ZAP70: variants seen among roughly 807,000 people sequenced by gnomAD.
ZAP70 encodes the protein tyrosine-protein kinase ZAP-70.
In ZAP70, 27 loss-of-function variants were observed where a neutral mutation model predicts 65.8. That is an observed-to-expected ratio of 0.41 (90% CI 0.30 to 0.57). ZAP70 has a LOEUF of 0.57. ZAP70 is among the 20% of genes least tolerant of loss of function. The pLI is 0.28. For missense variants in ZAP70, 696 were observed against 870.5 expected (o/e 0.80, Z 2.52); for synonymous variants, 363 against 360.8 (o/e 1.01, Z -0.07).
chr2:97,717,324 A>G (rs1676965602), intron 2 of ZAP70, among the ~76,000 whole-genome samples: 1 of 149,684 alleles, frequency 6.7e-6, no homozygotes, highest in Admixed American at 6.7e-5. Context: ...GGATGGGGAC[A>G]TGTCAAGCCT....
rs1676855055 is a variant in ZAP70, at chr2:97,715,105, G to T, written c.-22+1111G>T. ...TCCTCACTAGCTCTGGGTGGCCTCGGGCTCTGGACTCCACAGTTCCTGTAT... is the reference window on the plus strand; with the variant it reads ...TCCTCACTAGCTCTGGGTGGCCTCGTGCTCTGGACTCCACAGTTCCTGTAT... On this transcript the variant is annotated intron_variant, in intron 2 of 13. Coordinates refer to ENST00000264972, the MANE Select transcript of ZAP70 (RefSeq NM_001079.4). This position sits in a 1 kb window ranked among gnomAD's most constrained non-coding sequence, Gnocchi z 4.1. Among the ~76,000 whole-genome samples, 1 of 151,962 alleles carries T rather than the reference G, an allele frequency of 6.6e-6. No individual in the cohort carries two copies. The highest frequency in any genetic ancestry group is 2.1e-4 in the South Asian group (1 of 4,814).
At chr2:97,755,924 G>A in the ZAP70 span, among the ~76,000 whole-genome samples, 3 of 152,192 alleles carry the variant, frequency 2.0e-5, no homozygotes, top group Admixed American at 1.3e-4. Context: ...GTGAATCTGC[G>A]GTCAGCCTGA....
intron 2 of ZAP70, among the ~76,000 whole-genome samples, chr2:97,718,709 G>A (rs1677046650): frequency 6.6e-6 from 1 of 152,136 alleles, no homozygotes; most frequent in African/African-American, 2.4e-5. Context: ...CCCACTTCTA[G>A]CTACCCAGGC....
Position 97,735,311 on chromosome 2 carries a change from G to C in ZAP70, c.1144G>C (p.Glu382Gln). 2 of 1,614,156 alleles carry C rather than the reference G, an allele frequency of 1.2e-6. No homozygotes were observed. The highest frequency in any genetic ancestry group is 1.7e-6 in the Non-Finnish European group (2 of 1,179,984). ...GGGCACGGAGAAGGCAGACACGGAAGAGATGATGCGCGAGGCGCAGATCAT... is the reference window on the plus strand; with the variant it reads ...GGGCACGGAGAAGGCAGACACGGAACAGATGATGCGCGAGGCGCAGATCAT... ...KQGTEKADTE[E>Q]MMREAQIMHQ... The change falls in exon 10 of 14, where the codon GAG becomes CAG. Residue 382 changes from glutamate to glutamine, a missense_variant. Physicochemically the swap from Glu to Gln is conservative, Grantham distance 29. This residue lies in a region of ZAP70 where 551 missense variants were observed against 630.0 expected (regional missense o/e 0.87). Transcript: ENST00000264972.
intron 2 of ZAP70, among the ~76,000 whole-genome samples, chr2:97,716,226 A>T (rs1676908480): frequency 6.6e-6 from 1 of 152,098 alleles, no homozygotes; most frequent in Non-Finnish European, 1.5e-5. Context: ...CCACCCAAGG[A>T]AGCCCCTGTG....
chr2:97,724,372 G>T lies in ZAP70; in HGVS notation c.336G>T (p.Pro112=). 6.5e-7 allele frequency: 1 copy of T among 1,544,068 alleles called. No individual in the cohort carries two copies. The highest frequency in any genetic ancestry group is 8.7e-7 in the Non-Finnish European group (1 of 1,145,004). Reference sequence around the variant, plus strand: ...GGCCGTCGGGCCTCGAGCCGCAGCCGGGGGTCTTCGACTGCCTGCGAGACG... The same window carrying T: ...GGCCGTCGGGCCTCGAGCCGCAGCCTGGGGTCTTCGACTGCCTGCGAGACG... ...CNRPSGLEPQ[P]GVFDCLRDAM... is the part of the protein sequence containing the mutation. Residue 112 remains proline (P), a synonymous_variant, in exon 3 of 14, where the codon CCG becomes CCT. Coordinates refer to ENST00000264972, the MANE Select transcript of ZAP70 (RefSeq NM_001079.4).
downstream of ZAP70, among the ~76,000 whole-genome samples, chr2:97,740,758 A>G (rs1431071635): frequency 6.6e-6 from 1 of 152,166 alleles, no homozygotes; most frequent in Non-Finnish European, 1.5e-5. Context: ...TCACCTCTGC[A>G]CGTCTCCTTT....
intron 4 of ZAP70, among the ~76,000 whole-genome samples, chr2:97,728,277 G>T (rs779987725): frequency 2.6e-5 from 4 of 152,218 alleles, no homozygotes; most frequent in Admixed American, 2.0e-4. Flanking sequence ...AAGCGTTGGC[G>T]GTGGGAGGGT....
chr2:97,750,941 CG>C, the ZAP70 span, among the ~76,000 whole-genome samples: 3 of 152,188 alleles, frequency 2.0e-5, no homozygotes, highest in Admixed American at 6.5e-5. Context: ...TCTCTCTAGT[CG>C]TTTTATTCCT....
the ZAP70 span, among the ~76,000 whole-genome samples, chr2:97,747,817 T>G: frequency 1.6e-4 from 13 of 82,924 alleles, no homozygotes; most frequent in African/African-American, 7.0e-4. Flanking sequence ...GGCACGAGGT[T>G]TTTTTTTTTT....
At chr2:97,748,701 G>A in the ZAP70 span, among the ~76,000 whole-genome samples, 1 of 152,046 alleles carries the variant, frequency 6.6e-6, no homozygotes, top group Non-Finnish European at 1.5e-5. Flanking sequence ...CCCACTCAGG[G>A]TGTTCTCAAT....
At chr2:97,726,629 T>C (rs1316145696) in intron 4 of ZAP70, among the ~76,000 whole-genome samples, 1 of 152,258 alleles carries the variant, frequency 6.6e-6, no homozygotes, top group Non-Finnish European at 1.5e-5. Flanking sequence ...CCTGCAGGCC[T>C]CTTGCAAGAT....
At chr2:97,719,939 G>A (rs535978038) in intron 2 of ZAP70, among the ~76,000 whole-genome samples, 5 of 152,212 alleles carry the variant, frequency 3.3e-5, no homozygotes, top group South Asian at 2.1e-4. Context: ...CACACAATTC[G>A]TAGCCCTTGG....
intron 2 of ZAP70, among the ~76,000 whole-genome samples, chr2:97,721,027 T>A (rs1334328916): frequency 1.3e-5 from 2 of 152,366 alleles, no homozygotes; most frequent in East Asian, 3.9e-4. Flanking sequence ...CAATGCAAAC[T>A]TATGCCTGAG....
intron 2 of ZAP70, among the ~76,000 whole-genome samples, chr2:97,723,319 C>A (rs1367970685): frequency 6.6e-6 from 1 of 152,228 alleles, no homozygotes; most frequent in Admixed American, 6.5e-5. Context: ...AAAGGGTCAG[C>A]GGAAGGGACA....
At position 97,736,973 on chromosome 2, in the gene ZAP70, G is replaced by A. The variant is rs1311052594; in HGVS notation, c.1290-500G>A. Among the ~76,000 whole-genome samples the A allele has an allele frequency of 6.6e-6, 1 of 152,120 alleles. No homozygotes were observed. The highest frequency in any genetic ancestry group is 1.5e-5 in the Non-Finnish European group (1 of 68,024). On this transcript the variant is annotated intron_variant, in intron 10 of 13. Transcript: ENST00000264972. The surrounding 1 kb of genome is among the most constrained non-coding windows in gnomAD (Gnocchi z 4.0). ...GGCGGAGCTGACTATTCCTGCCTGG[G>A]GGTCCAGGTGAGTGATGCTGCGGCT...
Position 97,739,427 on chromosome 2 carries a change from T to A in ZAP70, c.1789T>A (p.Tyr597Asn). 6.2e-7 allele frequency: 1 copy of A among 1,613,830 alleles called. No homozygotes were observed. The highest frequency in any genetic ancestry group is 8.5e-7 in the Non-Finnish European group (1 of 1,179,952). The part of the protein sequence containing the change: ...LTVEQRMRAC[Y>N]YSLASKVEGP... The stretch of plus-strand genomic sequence containing the variant: ...CGTGGAGCAGCGCATGCGAGCCTGT[T>A]ACTACAGCCTGGCCAGCAAGGTGGA... The change falls in exon 14 of 14, where the codon TAC becomes AAC. Residue 597 changes from tyrosine (Y) to asparagine (N), a missense_variant. By Grantham distance (143) the Tyr-to-Asn change is moderately radical. Transcript: ENST00000264972.
chr2:97,724,035 C>A lies in ZAP70; in HGVS notation c.-2C>A. The A allele has an allele frequency of 2.6e-6, 4 of 1,548,820 alleles. No individual in the cohort carries two copies. The South Asian group carries it at 4.7e-5, about 18-fold the overall frequency. ...CCGCAGGTTTCGGGAGGCCCAGGGG[C>A]GATGCCAGACCCCGCGGCGCACCTG... On this transcript the variant is annotated 5_prime_UTR_variant, in exon 3 of 14. Coordinates refer to ENST00000264972, the MANE Select transcript of ZAP70 (RefSeq NM_001079.4).
At chr2:97,721,580 AT>A (rs796509420) in intron 2 of ZAP70, among the ~76,000 whole-genome samples, 8,757 of 81,064 alleles carry the variant, frequency 0.11, 143 homozygotes, top group East Asian at 0.18. Flanking sequence ...TGGCTGGCTG[AT>A]TTTTTTTTTT....
Sources: gnomAD v4.1 joint callset for allele counts (sites outside exome capture counted in the v4.1 genomes callset) on GRCh38, gnomAD v4.1.1 for gene constraint, gnomAD v4.1.1 regional missense constraint, Gnocchi (gnomAD v3.1) non-coding constraint, MANE v1.5 for transcripts, NCBI Gene and HGNC (gene_info 2026-07-23, HGNC 2026-07-21) for gene names.